The following FBXL20 variants were observed in gnomAD, a reference collection of about 807,000 sequenced individuals.
FBXL20 encodes the protein F-box/LRR-repeat protein 20.
A neutral mutation model predicts 64.0 loss-of-function variants in FBXL20; 11 were observed. That is an observed-to-expected ratio of 0.17 (90% CI 0.11 to 0.28). FBXL20 has a LOEUF of 0.28. Ranked by LOEUF, FBXL20 falls within the 10% of genes least tolerant of loss-of-function variation. The pLI is 1.00. For missense variants in FBXL20, 303 were observed against 526.2 expected, an observed-to-expected ratio of 0.58 and a Z score of 4.15; for synonymous variants, 184 against 189.0, an observed-to-expected ratio of 0.97 and a Z score of 0.22.
intron 9 of FBXL20, among the ~76,000 whole-genome samples, chr17:39,277,979 T>G (rs998074600): frequency 6.6e-6 from 1 of 152,072 alleles, no homozygotes; most frequent in East Asian, 1.9e-4. Context: ...TAAGATAGAA[T>G]TGGTTCTTTA....
chr17:39,291,738 C>T (rs2047041582), intron 6 of FBXL20, among the ~76,000 whole-genome samples: 1 of 152,050 alleles, frequency 6.6e-6, no homozygotes, highest in South Asian at 2.1e-4. Flanking sequence ...CCCGGCCAAA[C>T]TTTTCTTCTC....
intron 2 of FBXL20, among the ~76,000 whole-genome samples, chr17:39,315,396 T>TATATATATATATATATAC (rs2047277020): frequency 6.8e-6 from 1 of 146,652 alleles, no homozygotes; most frequent in Non-Finnish European, 1.5e-5. Context: ...AAATAATTTA[T>TATATATATATATATATAC]ATATATATAT....
chr17:39,370,640 A>C (rs1054899080), intron 1 of FBXL20, among the ~76,000 whole-genome samples: 12 of 145,864 alleles, frequency 8.2e-5, no homozygotes, highest in African/African-American at 3.0e-4. Flanking sequence ...AAAAAAATAC[A>C]AAAAATTAGC....
At chr17:39,310,847 T>C (rs1405352687) in intron 2 of FBXL20, among the ~76,000 whole-genome samples, 5 of 152,048 alleles carry the variant, frequency 3.3e-5, no homozygotes, top group African/African-American at 1.2e-4. Flanking sequence ...TAGTCAGGCA[T>C]GGTGGCACAC....
chr17:39,297,917 A>G (rs2047101137), intron 5 of FBXL20, among the ~76,000 whole-genome samples: 1 of 151,976 alleles, frequency 6.6e-6, no homozygotes. Context: ...TTGTATTTTT[A>G]GTAGAGACAG....
intron 2 of FBXL20, among the ~76,000 whole-genome samples, chr17:39,322,764 A>G (rs572120710): frequency 3.9e-5 from 6 of 152,212 alleles, no homozygotes; most frequent in African/African-American, 1.4e-4. Flanking sequence ...ACAAACAACA[A>G]AACTCAAAAG....
intron 2 of FBXL20, among the ~76,000 whole-genome samples, chr17:39,326,420 A>G (rs7503081): frequency 0.21 from 32,539 of 151,738 alleles, 3,998 homozygotes; most frequent in African/African-American, 0.33. Flanking sequence ...AGGCGTTCCA[A>G]GCCAGCCTGG....
At chr17:39,311,336 C>G (rs1362151905) in intron 2 of FBXL20, among the ~76,000 whole-genome samples, 4 of 152,122 alleles carry the variant, frequency 2.6e-5, no homozygotes, top group African/African-American at 9.7e-5. Flanking sequence ...TTTCATTACA[C>G]TTTACTGTCC....
chr17:39,352,482 C>A (rs925406008), intron 1 of FBXL20, among the ~76,000 whole-genome samples: 2 of 151,952 alleles, frequency 1.3e-5, no homozygotes, highest in African/African-American at 4.8e-5. Flanking sequence ...CAGGAGTTGA[C>A]CAGACTGGCC....
intron 2 of FBXL20, among the ~76,000 whole-genome samples, chr17:39,315,835 G>GAC (rs1334974482): frequency 1.9e-5 from 1 of 52,192 alleles, no homozygotes; most frequent in Non-Finnish European, 3.3e-5. Context: ...GAGACAGAGA[G>GAC]AGAGAGAGAG....
chr17:39,277,852 C>T (rs1312511333), intron 9 of FBXL20, among the ~76,000 whole-genome samples: 2 of 151,660 alleles, frequency 1.3e-5, no homozygotes, highest in East Asian at 1.9e-4. Context: ...TTAATCACCT[C>T]AATAATTTTG....
intron 1 of FBXL20, among the ~76,000 whole-genome samples, chr17:39,376,255 G>GT (rs529279461): frequency 3.2e-4 from 48 of 152,258 alleles, no homozygotes; most frequent in African/African-American, 1.2e-3. Flanking sequence ...AGCTCAAAAC[G>GT]TTTGTCTTTA....
chr17:39,328,105 G>A (rs1420965215), intron 2 of FBXL20, among the ~76,000 whole-genome samples: 4 of 151,488 alleles, frequency 2.6e-5, no homozygotes, highest in African/African-American at 9.7e-5. Context: ...AAAATTAGCC[G>A]GGCGTGGTGG....
chr17:39,355,724 A>C (rs952871445), intron 1 of FBXL20, among the ~76,000 whole-genome samples: 3 of 151,792 alleles, frequency 2.0e-5, no homozygotes, highest in Admixed American at 2.0e-4. Flanking sequence ...GCGTGGTGGC[A>C]GGTGCCTGTA....
intron 9 of FBXL20, among the ~76,000 whole-genome samples, chr17:39,278,548 C>CTTTTTT (rs61642275): frequency 1.6e-5 from 2 of 128,174 alleles, no homozygotes; most frequent in Non-Finnish European, 3.2e-5. Flanking sequence ...ACATTCCAGT[C>CTTTTTT]TTTTTTTTTT....
intron 1 of FBXL20, among the ~76,000 whole-genome samples, chr17:39,345,947 A>T (rs1187355009): frequency 1.3e-5 from 2 of 152,172 alleles, no homozygotes; most frequent in African/African-American, 2.4e-5. Flanking sequence ...TTGTGCACAG[A>T]GCCTGCTACA....
At chr17:39,398,142 C>A (rs2048205262) in intron 1 of FBXL20, among the ~76,000 whole-genome samples, 1 of 147,596 alleles carries the variant, frequency 6.8e-6, no homozygotes, top group South Asian at 2.2e-4. Flanking sequence ...ATTAGCCGGG[C>A]ATGGTGGCAG....
At chr17:39,317,620 C>T (rs1277717962) in intron 2 of FBXL20, among the ~76,000 whole-genome samples, 3 of 148,622 alleles carry the variant, frequency 2.0e-5, no homozygotes, top group Non-Finnish European at 4.5e-5. Context: ...CAAAACAGGG[C>T]ATCCAGAAAG....
intron 2 of FBXL20, among the ~76,000 whole-genome samples, chr17:39,307,894 T>C (rs1323638951): frequency 6.6e-6 from 1 of 150,904 alleles, no homozygotes; most frequent in Non-Finnish European, 1.5e-5. Flanking sequence ...TCGCTACAAC[T>C]TGGGAGGCAG....
Sources: gnomAD v4.1 joint callset for allele counts (sites outside exome capture counted in the v4.1 genomes callset) on GRCh38, gnomAD v4.1.1 for gene constraint, MANE v1.5 for transcripts, NCBI Gene and HGNC (gene_info 2026-07-23, HGNC 2026-07-21) for gene names.